The following PON3 variants were observed in gnomAD, a reference collection of about 807,000 sequenced individuals.
PON3 encodes paraoxonase 3, also known as serum paraoxonase/lactonase 3.
PON3 carries 37 observed loss-of-function variants against 36.3 expected under a neutral mutation model. The ratio of observed to expected loss-of-function variants is 1.02; its 90% CI spans 0.78 to 1.34. The LOEUF (loss-of-function observed/expected upper bound fraction) is 1.34, where lower values mean the gene tolerates loss of function less well. Ranked by LOEUF, PON3 falls within the 40% of genes most tolerant of loss-of-function variation. The probability of loss-of-function intolerance (pLI) is 0.00; values close to 1 mark genes in which losing one functional copy is unlikely to be tolerated. For synonymous variants in PON3, 155 were observed against 154.8 expected (o/e 1.00, Z -0.01); for missense variants, 415 against 426.5 (o/e 0.97, Z 0.24).
chr7:95,392,556 T>C (rs923177588), intron 2 of PON3, among the ~76,000 whole-genome samples: 5 of 152,228 alleles, frequency 3.3e-5, no homozygotes, highest in African/African-American at 1.2e-4. Flanking sequence ...CATTTCCTTA[T>C]TTTTAAAATC....
intron 3 of PON3, among the ~76,000 whole-genome samples, chr7:95,382,061 C>T (rs1216267196): frequency 6.6e-6 from 1 of 152,188 alleles, no homozygotes; most frequent in East Asian, 1.9e-4. Context: ...CTCAAAACCA[C>T]TGAGCTACAT....
At chr7:95,376,869 T>C (rs909334885) in intron 3 of PON3, among the ~76,000 whole-genome samples, 1 of 152,154 alleles carries the variant, frequency 6.6e-6, no homozygotes, top group Admixed American at 6.5e-5. Flanking sequence ...CCGACTGAGG[T>C]ACCTGGTCCA....
intron 3 of PON3, among the ~76,000 whole-genome samples, chr7:95,376,624 T>C (rs556992639): frequency 6.6e-6 from 1 of 151,284 alleles, no homozygotes; most frequent in East Asian, 1.9e-4. Flanking sequence ...GATTCAGAAC[T>C]TTTAGTTCCA....
At chr7:95,390,475 C>T (rs1342484805) in intron 2 of PON3, among the ~76,000 whole-genome samples, 1 of 152,146 alleles carries the variant, frequency 6.6e-6, no homozygotes, top group Non-Finnish European at 1.5e-5. Flanking sequence ...AAAATAAACT[C>T]ATATCCTAGA....
At chr7:95,375,754 C>T (rs1562772931) in intron 3 of PON3, among the ~76,000 whole-genome samples, 1 of 152,230 alleles carries the variant, frequency 6.6e-6, no homozygotes. Context: ...TTCACATTCA[C>T]CTAGTTTTCT....
Position 95,362,448 on chromosome 7 carries a change from G to C in PON3, c.820C>G (p.Pro274Ala). 1 of 1,613,694 alleles carries C rather than the reference G, an allele frequency of 6.2e-7. No homozygotes were observed. The highest frequency in any genetic ancestry group is 8.5e-7 in the Non-Finnish European group (1 of 1,179,758). The part of the protein sequence containing the change: ...GTLVDNLTVD[P>A]ATGDILAGCH... ...CCTGCCAAAATGTCTCCTGTGGCAGGATCGACAGTCAGGTTATCCACTAAG... is the reference window on the plus strand; with the variant it reads ...CCTGCCAAAATGTCTCCTGTGGCAGCATCGACAGTCAGGTTATCCACTAAG... The change falls in exon 8 of 9, where the codon CCT (proline) becomes GCT (alanine). Residue 274 changes from proline to alanine, a missense_variant. Physicochemically the swap from Pro to Ala is conservative, Grantham distance 27 (BLOSUM62 -1). Coordinates refer to ENST00000265627, the MANE Select transcript of PON3 (RefSeq NM_000940.3).
At chr7:95,369,842 A>C (rs1249105935) in intron 4 of PON3, among the ~76,000 whole-genome samples, 1 of 152,208 alleles carries the variant, frequency 6.6e-6, no homozygotes, top group Non-Finnish European at 1.5e-5. Context: ...GAAGAAATAT[A>C]GAAAGGTACA....
intron 3 of PON3, among the ~76,000 whole-genome samples, chr7:95,388,914 G>GAACA (rs752105013): frequency 2.8e-4 from 43 of 152,204 alleles, no homozygotes; most frequent in Middle Eastern, 3.4e-3. Context: ...ACAGGGCAGG[G>GAACA]AACAGCACAC....
intron 3 of PON3, chr7:95,377,680 A>G (rs1033209132): frequency 1.5e-5 from 4 of 274,520 alleles, no homozygotes; most frequent in South Asian, 5.8e-5. Context: ...CCTGCAGCTG[A>G]GAGGCGCGAC....
At chr7:95,393,336 G>C (rs556249821) in intron 2 of PON3, among the ~76,000 whole-genome samples, 1 of 152,274 alleles carries the variant, frequency 6.6e-6, no homozygotes, top group East Asian at 1.9e-4. Flanking sequence ...AAGTGAATCG[G>C]AGCTTCAGAG....
chr7:95,393,904 A>T (rs1295821203), intron 2 of PON3, among the ~76,000 whole-genome samples: 2 of 151,698 alleles, frequency 1.3e-5, no homozygotes, highest in Non-Finnish European at 2.9e-5. Flanking sequence ...TTCGTTTATT[A>T]TTTTTTTTAA....
chr7:95,365,831 A>G (rs375942018), intron 5 of PON3: 19 of 152,158 alleles, frequency 1.2e-4, no homozygotes, highest in African/African-American at 4.3e-4. Flanking sequence ...ATATCACTCC[A>G]ATGTCAGTAT....
intron 3 of PON3, among the ~76,000 whole-genome samples, chr7:95,374,478 G>C (rs1018352937): frequency 2.6e-5 from 4 of 151,696 alleles, no homozygotes; most frequent in African/African-American, 9.7e-5. Context: ...CTTCTTCTTT[G>C]GCCTAAAAAA....
chr7:95,385,498 TAGAC>T (rs1257988364), intron 3 of PON3, among the ~76,000 whole-genome samples: 1 of 152,056 alleles, frequency 6.6e-6, no homozygotes, highest in Non-Finnish European at 1.5e-5. Context: ...CTGTCAATAT[TAGAC>T]AGATGAACGA....
chr7:95,360,247 T>C, intron 8 of PON3, 116 bp from the exon 9 acceptor site: 1 of 984,458 alleles, frequency 1.0e-6, no homozygotes, highest in Non-Finnish European at 1.6e-6. Context: ...CTAAAATCTG[T>C]ATATCTTCAA....
At chr7:95,373,630 C>T (rs1366719460) in intron 3 of PON3, among the ~76,000 whole-genome samples, 6 of 152,120 alleles carry the variant, frequency 3.9e-5, no homozygotes, top group African/African-American at 1.4e-4. Context: ...GTGCGAACTC[C>T]CTTTGCCTTG....
At position 95,390,142 on chromosome 7, in the gene PON3, GA is replaced by G. The variant is rs771308252; in HGVS notation, c.201+11del. 1 of 1,595,790 alleles carries G rather than the reference GA, an allele frequency of 6.3e-7. No homozygotes were observed. Among genetic ancestry groups the G allele is most frequent in the Non-Finnish European group, 8.6e-7 (1 of 1,163,390 alleles). ...TTGATGTGAGCATGAGAGCAGCATGGAAAATACTCACACTGGAGATAAAAGC... is the reference window on the plus strand; with the variant it reads ...TTGATGTGAGCATGAGAGCAGCATGGAAATACTCACACTGGAGATAAAAGC... On this transcript the variant is annotated intron_variant, in intron 3 of 8. Coordinates refer to ENST00000265627, the MANE Select transcript of PON3 (RefSeq NM_000940.3).
intron 3 of PON3, among the ~76,000 whole-genome samples, chr7:95,372,669 C>A (rs1441546594): frequency 1.3e-5 from 2 of 152,300 alleles, no homozygotes; most frequent in East Asian, 3.9e-4. Flanking sequence ...ACCTCACATT[C>A]CTCATCTATA....
chr7:95,363,557 G>T (rs960197483), intron 6 of PON3: 2 of 406,430 alleles, frequency 4.9e-6, no homozygotes, highest in Non-Finnish European at 9.2e-6. Context: ...AGGGGCAGGG[G>T]TATTGCTCAT....
Sources: gnomAD v4.1 joint callset for allele counts (sites outside exome capture counted in the v4.1 genomes callset) on GRCh38, gnomAD v4.1.1 for gene constraint, MANE v1.5 for transcripts, NCBI Gene and HGNC (gene_info 2026-07-23, HGNC 2026-07-21) for gene names.